MAPK8IP3: variants seen among roughly 807,000 people sequenced by gnomAD.
MAPK8IP3 encodes C-Jun-amino-terminal kinase-interacting protein 3.
Under a neutral mutation model 157.8 loss-of-function variants are expected in MAPK8IP3, and 49 were observed. The ratio of observed to expected loss-of-function variants is 0.31; its 90% CI spans 0.25 to 0.39. MAPK8IP3 has a LOEUF of 0.39. Ranked by LOEUF, MAPK8IP3 falls within the 10% of genes least tolerant of loss-of-function variation. The pLI is 1.00. For synonymous variants in MAPK8IP3, 897 were observed against 777.7 expected (o/e 1.15, Z -2.55); for missense variants, 1,478 against 1,889.4 (o/e 0.78, Z 4.04).
At chr16:1,732,592 C>T (rs930802790) in intron 4 of MAPK8IP3, among the ~76,000 whole-genome samples, 9 of 152,258 alleles carry the variant, frequency 5.9e-5, no homozygotes, top group Non-Finnish European at 1.3e-4. Context: ...CTGCAGTTCT[C>T]AGGGACTTGC....
At chr16:1,747,392 A>T in intron 6 of MAPK8IP3, 117 bp downstream of exon 6, 2 of 1,414,034 alleles carry the variant, frequency 1.4e-6, no homozygotes, top group Non-Finnish European at 1.9e-6. Flanking sequence ...CGTGTTCCTC[A>T]CAGCCCGGAG....
At chr16:1,711,602 T>C (rs1343771041) in intron 1 of MAPK8IP3, among the ~76,000 whole-genome samples, 3 of 152,126 alleles carry the variant, frequency 2.0e-5, no homozygotes, top group African/African-American at 4.8e-5. Flanking sequence ...AGGAGCTGCA[T>C]GGGGTGCCGG....
Position 1,743,282 on chromosome 16 carries a change from C to A in MAPK8IP3, c.603-50C>A. ...GCCCTGGGAGGGCTTGGGAAATCTTCACGGCCACCCTCTAACCATCGCTTC... is the reference window on the plus strand; with the variant it reads ...GCCCTGGGAGGGCTTGGGAAATCTTAACGGCCACCCTCTAACCATCGCTTC... On this transcript the variant is annotated intron_variant, in intron 4 of 31. Coordinates refer to ENST00000610761, the MANE Select transcript of MAPK8IP3 (RefSeq NM_001318852.2). This position sits in a 1 kb window ranked among gnomAD's most constrained non-coding sequence, Gnocchi z 5.6. 6.7e-7 allele frequency: 1 copy of A among 1,485,518 alleles called. No homozygotes were observed. The highest frequency in any genetic ancestry group is 1.4e-5 in the South Asian group (1 of 71,212). The allele number at this position is 1,485,518 out of a possible 1,614,324, so 92.0% of individuals were successfully genotyped here. A position where few individuals can be genotyped will look rare whatever the true frequency, so the allele number is the denominator to read the frequency against.
intron 4 of MAPK8IP3, among the ~76,000 whole-genome samples, chr16:1,734,598 TG>T (rs1187125252): frequency 6.6e-6 from 1 of 152,178 alleles, no homozygotes; most frequent in African/African-American, 2.4e-5. Context: ...CTTGCCTTTG[TG>T]GGGTCAGGGG....
rs759295235 is a variant in MAPK8IP3, at chr16:1,743,361, T to C, written c.632T>C (p.Val211Ala). The C allele has an allele frequency of 2.8e-5, 44 of 1,574,676 alleles. No individual in the cohort carries two copies. The highest frequency in any genetic ancestry group is 3.8e-5 in the Admixed American group (2 of 53,100). ...SRKERPTSLN[V>A]FPLADGTVRA... ...AAGGAGCGCCCCACCTCCCTGAACG[T>C]GTTCCCCCTGGCTGACGGCACGGTA... is the stretch of plus-strand genomic sequence containing the variant. The change falls in exon 5 of 32, where the codon GTG becomes GCG. Residue 211 changes from valine (V) to alanine (A), a missense_variant. By Grantham distance (64) the Val-to-Ala change is moderately conservative (BLOSUM62 0). Transcript: ENST00000610761. The surrounding 1 kb of genome is among the most constrained non-coding windows in gnomAD (Gnocchi z 5.6).
rs1304180676 is a variant in MAPK8IP3, at chr16:1,766,587, G to A, written c.2878G>A (p.Asp960Asn). 6.2e-7 allele frequency: 1 copy of A among 1,612,422 alleles called. No homozygotes were observed. Among genetic ancestry groups the A allele is most frequent in the Non-Finnish European group, 8.5e-7 (1 of 1,179,864 alleles). ...ACGGCCAGAGCCAGAGCCCAGCGGG[G>A]ACCCCACGGGAGCAGGCAGCAGTGC... is the stretch of plus-strand genomic sequence containing the variant. ...STRPEPEPSG[D>N]PTGAGSSAAP... Residue 960 changes from aspartate to asparagine, a missense_variant, in exon 23 of 32, where the codon GAC becomes AAC. Asp to Asn is a conservative substitution (Grantham distance 23, BLOSUM62 1). This residue lies in a region of MAPK8IP3 where 669 missense variants were observed against 759.8 expected (regional missense o/e 0.88). Transcript: ENST00000610761.
chr16:1,738,533 ACTGT>A (rs1465692126), intron 4 of MAPK8IP3, among the ~76,000 whole-genome samples: 4 of 108,156 alleles, frequency 3.7e-5, no homozygotes, highest in East Asian at 2.8e-4. Flanking sequence ...CATCTGTGTG[ACTGT>A]CCGTGTGAGC....
chr16:1,730,840 C>CAA (rs72481919), intron 4 of MAPK8IP3, among the ~76,000 whole-genome samples: 19 of 56,216 alleles, frequency 3.4e-4, no homozygotes, highest in African/African-American at 6.1e-4. Context: ...GAGACTCTGT[C>CAA]AAAAAAAAAA....
chr16:1,712,101 A>G (rs540670120), intron 1 of MAPK8IP3, among the ~76,000 whole-genome samples: 2,244 of 110,456 alleles, frequency 0.02, 85 homozygotes, highest in African/African-American at 0.077. Flanking sequence ...TCGCTCTGTC[A>G]CCCATGCTGG....
chr16:1,735,338 G>A (rs866604515), intron 4 of MAPK8IP3, among the ~76,000 whole-genome samples: 10 of 151,320 alleles, frequency 6.6e-5, no homozygotes, highest in East Asian at 3.9e-4. Flanking sequence ...GTGAGTGAGC[G>A]TCCATGTGAG....
intron 8 of MAPK8IP3, 113 bp downstream of exon 8, chr16:1,748,833 T>A: frequency 2.2e-6 from 2 of 920,350 alleles, no homozygotes; most frequent in Non-Finnish European, 3.6e-6. Context: ...GCTAGGAACC[T>A]TTTTTTTTCC....
intron 4 of MAPK8IP3, among the ~76,000 whole-genome samples, chr16:1,734,038 T>C (rs902743740): frequency 1.3e-5 from 2 of 152,212 alleles, no homozygotes; most frequent in African/African-American, 4.8e-5. Context: ...CCTGCACCTC[T>C]GTGGGAGAGG....
At chr16:1,734,408 C>G (rs1482075683) in intron 4 of MAPK8IP3, among the ~76,000 whole-genome samples, 1 of 152,180 alleles carries the variant, frequency 6.6e-6, no homozygotes, top group Non-Finnish European at 1.5e-5. Flanking sequence ...TAAGAGCCAC[C>G]TCCGGGCTCG....
At chr16:1,714,498 A>G (rs1049329239) in intron 1 of MAPK8IP3, among the ~76,000 whole-genome samples, 1 of 150,124 alleles carries the variant, frequency 6.7e-6, no homozygotes, top group Admixed American at 6.6e-5. Context: ...TTTCTCACAC[A>G]GGGTCTAGGA....
At chr16:1,737,667 TGTGAGCGTGTGACCGTCC>T (rs2040105317) in intron 4 of MAPK8IP3, among the ~76,000 whole-genome samples, 1 of 81,202 alleles carries the variant, frequency 1.2e-5, no homozygotes, top group Non-Finnish European at 2.3e-5. Flanking sequence ...TGAGCGTCCG[TGTGAGCGTGTGACCGTCC>T]GTGTGTGACC....
At position 1,761,178 on chromosome 16, in the gene MAPK8IP3, C is replaced by T. The variant is rs748655656; in HGVS notation, c.1458-46C>T. 6.1e-6 allele frequency: 9 copies of T among 1,479,222 alleles called. No individual in the cohort carries two copies. In the Admixed American group the frequency reaches 1.5e-4, roughly 25 times the overall value. 91.6% of individuals were successfully genotyped at this position (1,479,222 alleles called of 1,614,324 possible). On this transcript the variant is annotated intron_variant, in intron 12 of 31. Transcript: ENST00000610761. ...CACTGCCCGCTATGTGTTCCCGAGG[C>T]CCCTGGGAGGCCCTCACCCTCCCTG...
At position 1,743,251 on chromosome 16, in the gene MAPK8IP3, C is replaced by G. The variant is rs2040781286; in HGVS notation, c.603-81C>G. On this transcript the variant is annotated intron_variant, in intron 4 of 31. Coordinates refer to ENST00000610761, the MANE Select transcript of MAPK8IP3 (RefSeq NM_001318852.2). The surrounding 1 kb of genome is among the most constrained non-coding windows in gnomAD (Gnocchi z 5.6). The stretch of plus-strand genomic sequence containing the variant: ...ATGGAGCGGCCCCATCACTCGAGGT[C>G]TGCTTGCCCTGGGAGGGCTTGGGAA... 2 of 1,455,156 alleles carry G rather than the reference C, an allele frequency of 1.4e-6. No homozygotes were observed. Among genetic ancestry groups the G allele is most frequent in the Non-Finnish European group, 1.8e-6 (2 of 1,111,026 alleles). 90.1% of individuals were successfully genotyped at this position (1,455,156 alleles called of 1,614,324 possible). A position where few individuals can be genotyped will look rare whatever the true frequency, so the allele number is the denominator to read the frequency against.
chr16:1,720,607 C>T (rs2038452344), intron 1 of MAPK8IP3, among the ~76,000 whole-genome samples: 1 of 152,230 alleles, frequency 6.6e-6, no homozygotes, highest in Non-Finnish European at 1.5e-5. Context: ...TTAACCGACC[C>T]TATAGACCGA....
intron 4 of MAPK8IP3, among the ~76,000 whole-genome samples, chr16:1,739,618 CCG>C (rs1193240109): frequency 5.7e-5 from 7 of 121,914 alleles, no homozygotes; most frequent in East Asian, 2.7e-4. Context: ...TTCCGTGTGA[CCG>C]TCCGTGTGAG....
Sources: allele counts gnomAD v4.1 joint callset (sites outside exome capture counted in the v4.1 genomes callset), GRCh38; gene constraint gnomAD v4.1.1; regional missense constraint gnomAD v4.1.1; non-coding constraint Gnocchi (gnomAD v3.1); transcripts MANE v1.5; gene names NCBI Gene and HGNC (gene_info 2026-07-23, HGNC 2026-07-21).